The following KCNC4 variants were observed in gnomAD, a reference collection of about 807,000 sequenced individuals.
KCNC4 encodes the protein potassium voltage-gated channel subfamily C member 4.
In KCNC4, 23 loss-of-function variants were observed where a neutral mutation model predicts 42.8. The ratio of observed to expected loss-of-function variants is 0.54; its 90% CI spans 0.39 to 0.76. The LOEUF (loss-of-function observed/expected upper bound fraction) is 0.76, where lower values mean the gene tolerates loss of function less well. Among genes scored for constraint, KCNC4 ranks in the 30% least tolerant of loss-of-function variants. KCNC4 has a pLI of 0.00. For missense variants in KCNC4, 751 were observed against 898.2 expected (o/e 0.84, Z 2.10); for synonymous variants, 422 against 393.5 (o/e 1.07, Z -0.86).
At chr1:110,261,700 A>C (rs1019415939) in intron 1 of KCNC4, among the ~76,000 whole-genome samples, 1 of 152,230 alleles carries the variant, frequency 6.6e-6, no homozygotes, top group African/African-American at 2.4e-5. Flanking sequence ...ATATGTGCAC[A>C]AAATGCTGTG....
intron 3 of KCNC4, among the ~76,000 whole-genome samples, chr1:110,227,970 T>G (rs746026795): frequency 3.9e-5 from 6 of 152,150 alleles, no homozygotes; most frequent in Non-Finnish European, 8.8e-5. Context: ...CCACACTGCT[T>G]CTTGGCAACA....
At chr1:110,277,519 C>T (rs1265274180) in intron 1 of KCNC4, among the ~76,000 whole-genome samples, 2 of 152,200 alleles carry the variant, frequency 1.3e-5, no homozygotes, top group African/African-American at 2.4e-5. Context: ...TTAGGGCCTT[C>T]GTCTTCCTTC....
chr1:110,225,285 G>C (rs1161309025), intron 2 of KCNC4: 3 of 152,316 alleles, frequency 2.0e-5, no homozygotes, highest in Non-Finnish European at 4.4e-5. Flanking sequence ...TCTTCAGATA[G>C]AGTAGCACCC....
downstream of KCNC4, among the ~76,000 whole-genome samples, chr1:110,251,470 C>T (rs192100481): frequency 7.9e-5 from 12 of 152,304 alleles, no homozygotes; most frequent in East Asian, 1.9e-3. Context: ...TCACCTTTTG[C>T]CATGATTGTG....
At chr1:110,214,101 C>T (rs991423762) in intron 1 of KCNC4, among the ~76,000 whole-genome samples, 1 of 152,344 alleles carries the variant, frequency 6.6e-6, no homozygotes, top group South Asian at 2.1e-4. Flanking sequence ...AGCTCAGAGC[C>T]TGGCCTGCCC....
At position 110,223,701 on chromosome 1, in the gene KCNC4, C is replaced by G; in HGVS notation, c.1416C>G (p.Val472=). Residue 472 remains valine (V), a synonymous_variant, in exon 2 of 4, where the codon GTC becomes GTG. Coordinates refer to ENST00000438661, the MANE Select transcript of KCNC4 (RefSeq NM_001039574.3). The surrounding 1 kb of genome is among the most constrained non-coding windows in gnomAD (Gnocchi z 7.5). ...TCGCCATGCCGGTGCCTGTCATCGT[C>G]AACAACTTCGGCATGTACTACTCCC... ...LTIAMPVPVI[V]NNFGMYYSLA... The G allele has an allele frequency of 6.2e-7, 1 of 1,614,110 alleles. No individual in the cohort carries two copies. Among genetic ancestry groups the G allele is most frequent in the Non-Finnish European group, 8.5e-7 (1 of 1,180,036 alleles).
intron 3 of KCNC4, 46 bp from the exon 4 acceptor site, chr1:110,232,865 G>A (rs369955576): frequency 5.8e-5 from 91 of 1,581,372 alleles, no homozygotes; most frequent in Middle Eastern, 3.3e-4. Context: ...ATGTTGAGCC[G>A]AAAGCGTGCG....
chr1:110,247,000 A>G (rs916500056), exon 4 of KCNC4: 1 of 152,030 alleles, frequency 6.6e-6, no homozygotes, highest in Non-Finnish European at 1.5e-5. Context: ...GCTCCTACTT[A>G]TGAGTGAGAA....
At chr1:110,226,523 G>C (rs192157411) in intron 3 of KCNC4, among the ~76,000 whole-genome samples, 2 of 152,292 alleles carry the variant, frequency 1.3e-5, no homozygotes, top group African/African-American at 2.4e-5. Context: ...CATTCCACAG[G>C]GTCACTGCCA....
At chr1:110,213,561 G>A (rs1342428785) in intron 1 of KCNC4, among the ~76,000 whole-genome samples, 2 of 152,224 alleles carry the variant, frequency 1.3e-5, no homozygotes, top group African/African-American at 2.4e-5. Context: ...GAGAAGGGAG[G>A]AGCAGAGGTC....
chr1:110,279,908 C>T (rs1444294360), intron 1 of KCNC4, among the ~76,000 whole-genome samples: 2 of 149,990 alleles, frequency 1.3e-5, no homozygotes, highest in Non-Finnish European at 3.0e-5. Context: ...AAGCGATTCT[C>T]CTGCCTCAGC....
At chr1:110,255,923 A>G (rs1224081145) in intron 1 of KCNC4, among the ~76,000 whole-genome samples, 6 of 152,174 alleles carry the variant, frequency 3.9e-5, no homozygotes, top group Non-Finnish European at 7.3e-5. Flanking sequence ...TCCTTCCACA[A>G]AGGGATTTGG....
downstream of KCNC4, chr1:110,234,335 T>C (rs962083777): frequency 6.6e-6 from 1 of 152,104 alleles, no homozygotes; most frequent in South Asian, 2.1e-4. Context: ...AAGACTGTTC[T>C]TTGTTTAAGG....
chr1:110,255,289 C>T (rs1659311762), intron 1 of KCNC4, among the ~76,000 whole-genome samples: 1 of 152,114 alleles, frequency 6.6e-6, no homozygotes. Context: ...TTGGCCGTCC[C>T]CCTGGAACCC....
chr1:110,264,817 C>T (rs1659509868), intron 1 of KCNC4, among the ~76,000 whole-genome samples: 1 of 152,114 alleles, frequency 6.6e-6, no homozygotes, highest in Non-Finnish European at 1.5e-5. Flanking sequence ...CGCAGTGGCT[C>T]ATGCCTGTAA....
chr1:110,228,043 G>A (rs996539262), intron 3 of KCNC4, among the ~76,000 whole-genome samples: 1 of 152,142 alleles, frequency 6.6e-6, no homozygotes, highest in Admixed American at 6.5e-5. Flanking sequence ...CTGGGAAACA[G>A]GCCCTGCTAA....
rs149977100 is a variant in KCNC4 at position 110,232,697 on chromosome 1, G to T, written c.1820-214G>T. ...CCCTGACCCATCCATGCTCTTCCTG[G>T]CCTTTTAGCCCTGGGTTCCTCATGC... is the stretch of plus-strand genomic sequence containing the variant. On this transcript the variant is annotated intron_variant, in intron 3 of 3. Coordinates refer to ENST00000438661, the MANE Select transcript of KCNC4 (RefSeq NM_001039574.3). 9,788 of 1,488,202 alleles carry T rather than the reference G, an allele frequency of 6.6e-3. 53 individuals carry two copies. Among genetic ancestry groups the T allele is most frequent in the Non-Finnish European group, 7.2e-3 (8,068 of 1,123,040 alleles). The allele number at this position is 1,488,202 out of a possible 1,614,324, so 92.2% of individuals were successfully genotyped here.
chr1:110,234,523 TC>T (rs1658855720), downstream of KCNC4: 1 of 152,186 alleles, frequency 6.6e-6, no homozygotes, highest in African/African-American at 2.4e-5. Context: ...AGTGAACACA[TC>T]CTGGGCCTGG....
intron 1 of KCNC4, among the ~76,000 whole-genome samples, chr1:110,266,163 C>A (rs532781476): frequency 6.6e-6 from 1 of 152,308 alleles, no homozygotes; most frequent in South Asian, 2.1e-4. Flanking sequence ...AAATAATGGG[C>A]AGGGAAGCAA....
Sources: gnomAD v4.1 joint callset for allele counts (sites outside exome capture counted in the v4.1 genomes callset) on GRCh38, gnomAD v4.1.1 for gene constraint, Gnocchi (gnomAD v3.1) non-coding constraint, MANE v1.5 for transcripts, NCBI Gene and HGNC (gene_info 2026-07-23, HGNC 2026-07-21) for gene names.